KHDRBS3: variants seen among roughly 807,000 people sequenced by gnomAD.
KHDRBS3 encodes the protein KH RNA binding domain containing, signal transduction associated 3, also known as KH domain-containing, RNA-binding, signal transduction-associated protein 3.
A neutral mutation model predicts 45.6 loss-of-function variants in KHDRBS3; 23 were observed. The observed-to-expected ratio is 0.50, with a 90% CI of 0.36 to 0.72. KHDRBS3 has a LOEUF of 0.72. Ranked by LOEUF, KHDRBS3 falls within the 30% of genes least tolerant of loss-of-function variation. KHDRBS3 has a pLI of 0.00. For synonymous variants in KHDRBS3, 162 were observed against 156.5 expected (o/e 1.04, Z -0.26); for missense variants, 352 against 424.8 (o/e 0.83, Z 1.51).
chr8:135,486,975 C>T lies in KHDRBS3; in HGVS notation c.88+29021C>T, dbSNP rs1002807247. Among the ~76,000 whole-genome samples the T allele has an allele frequency of 3.9e-5, 6 of 152,154 alleles. No homozygotes were observed. The South Asian group carries it at 1.2e-3, about 31-fold the overall frequency. ...AATGTTTGGACAAAATTATTTTTCT[C>T]TCCTATCAGGTATTTTGACCATAAA... On this transcript the variant is annotated intron_variant, in intron 1 of 8. Transcript: ENST00000355849.
chr8:135,537,271 A>G (rs1825828746), intron 2 of KHDRBS3, among the ~76,000 whole-genome samples: 1 of 152,176 alleles, frequency 6.6e-6, no homozygotes, highest in Admixed American at 6.5e-5. Context: ...GAGGTCAGTA[A>G]GATATCCCTT....
chr8:135,539,584 G>T (rs916854136), intron 2 of KHDRBS3: 1 of 152,182 alleles, frequency 6.6e-6, no homozygotes, highest in Non-Finnish European at 1.5e-5. Flanking sequence ...TCAAGTATAC[G>T]CAATCTGCTG....
intron 1 of KHDRBS3, among the ~76,000 whole-genome samples, chr8:135,478,450 G>A (rs1822402968): frequency 6.6e-6 from 1 of 152,158 alleles, no homozygotes; most frequent in Admixed American, 6.5e-5. Flanking sequence ...GGAAATAGTA[G>A]ATTTGAACAA....
intron 4 of KHDRBS3, among the ~76,000 whole-genome samples, chr8:135,655,629 G>A (rs1831516793): frequency 1.3e-5 from 2 of 152,212 alleles, no homozygotes; most frequent in Admixed American, 1.3e-4. Flanking sequence ...AGCACACTTT[G>A]TGGTATCAAA....
intron 7 of KHDRBS3, 128 bp from the exon 8 acceptor site, chr8:135,644,931 G>T: frequency 2.2e-6 from 2 of 924,268 alleles, no homozygotes; most frequent in South Asian, 3.2e-5. Context: ...TGATCTCGGT[G>T]GGAATTTCTT....
chr8:135,489,609 T>G (rs1177959172), intron 1 of KHDRBS3, among the ~76,000 whole-genome samples: 1 of 151,976 alleles, frequency 6.6e-6, no homozygotes, highest in African/African-American at 2.4e-5. Context: ...ACTCAAAAGG[T>G]AGAGGTTGCA....
At chr8:135,529,365 A>G (rs1212662600) in intron 2 of KHDRBS3, among the ~76,000 whole-genome samples, 1 of 152,188 alleles carries the variant, frequency 6.6e-6, no homozygotes, top group Admixed American at 6.5e-5. Context: ...GTTGGTATTT[A>G]CAAATATGAC....
chr8:135,565,442 G>C (rs1278495925), intron 5 of KHDRBS3, among the ~76,000 whole-genome samples: 7 of 152,140 alleles, frequency 4.6e-5, no homozygotes, highest in African/African-American at 1.4e-4. Context: ...GAAAACTCTA[G>C]AATTTGCTAT....
intron 2 of KHDRBS3, among the ~76,000 whole-genome samples, chr8:135,535,303 T>TTATACCTGTTACTTGCAAATAGGG (rs1311794279): frequency 1.9e-5 from 2 of 103,402 alleles, no homozygotes; most frequent in African/African-American, 7.7e-5. Flanking sequence ...TATATATAGT[T>TTATACCTGTTACTTGCAAATAGGG]AAACTATATA....
At chr8:135,589,960 C>CAA (rs1828672274) in intron 6 of KHDRBS3, among the ~76,000 whole-genome samples, 1 of 152,096 alleles carries the variant, frequency 6.6e-6, no homozygotes, top group Admixed American at 6.5e-5. Flanking sequence ...GTATGAAAGA[C>CAA]AATGCAATTT....
intron 7 of KHDRBS3, among the ~76,000 whole-genome samples, chr8:135,615,149 AG>A (rs953700089): frequency 1.3e-5 from 2 of 151,734 alleles, no homozygotes; most frequent in Non-Finnish European, 2.9e-5. Context: ...AAACTGGCTC[AG>A]CAAGGTTCTT....
At chr8:135,609,048 C>T (rs530441903) in intron 7 of KHDRBS3, among the ~76,000 whole-genome samples, 6 of 152,128 alleles carry the variant, frequency 3.9e-5, no homozygotes, top group African/African-American at 9.7e-5. Flanking sequence ...GACATTACCG[C>T]GCACCACTGC....
chr8:135,627,035 A>G (rs1297597128), intron 7 of KHDRBS3, among the ~76,000 whole-genome samples: 1 of 152,206 alleles, frequency 6.6e-6, no homozygotes, highest in African/African-American at 2.4e-5. Flanking sequence ...TCTATATCAG[A>G]AAAATACAGG....
downstream of KHDRBS3, among the ~76,000 whole-genome samples, chr8:135,649,314 T>TCCA (rs1705177124): frequency 2.6e-5 from 4 of 152,218 alleles, no homozygotes; most frequent in Admixed American, 2.6e-4. Flanking sequence ...TCTCACTTTC[T>TCCA]CCATCAGTTC....
chr8:135,645,894 T>G (rs1181667227), intron 8 of KHDRBS3, among the ~76,000 whole-genome samples: 1 of 152,132 alleles, frequency 6.6e-6, no homozygotes, highest in Non-Finnish European at 1.5e-5. Context: ...GTTAGGACAT[T>G]TCTCTTAACA....
chr8:135,550,164 C>T (rs1177628789), intron 4 of KHDRBS3, among the ~76,000 whole-genome samples: 1 of 152,074 alleles, frequency 6.6e-6, no homozygotes, highest in African/African-American at 2.4e-5. Flanking sequence ...GCAGTGTGGA[C>T]CAGGCAGTGC....
At chr8:135,471,230 G>T (rs1480590973) in intron 1 of KHDRBS3, among the ~76,000 whole-genome samples, 1 of 152,204 alleles carries the variant, frequency 6.6e-6, no homozygotes, top group Non-Finnish European at 1.5e-5. Flanking sequence ...AGTCTTTTAG[G>T]TTTGGAGAGT....
chr8:135,458,047 C>T, intron 1 of KHDRBS3, 93 bp downstream of exon 1: 3 of 1,440,840 alleles, frequency 2.1e-6, no homozygotes, highest in Non-Finnish European at 2.7e-6. Flanking sequence ...CCTCTGCTGT[C>T]AGCGGACGCG....
intron 7 of KHDRBS3, among the ~76,000 whole-genome samples, chr8:135,640,165 G>A (rs901393812): frequency 1.4e-4 from 21 of 152,070 alleles, no homozygotes; most frequent in Non-Finnish European, 1.2e-4. Flanking sequence ...AGGACAGATG[G>A]GGGTATGCAG....
Sources: allele counts gnomAD v4.1 joint callset (sites outside exome capture counted in the v4.1 genomes callset), GRCh38; gene constraint gnomAD v4.1.1; transcripts MANE v1.5; gene names NCBI Gene and HGNC (gene_info 2026-07-23, HGNC 2026-07-21).